The following PRKCA variants were observed in gnomAD, a reference collection of about 807,000 sequenced individuals.
PRKCA encodes the protein protein kinase C alpha type.
PRKCA carries 27 observed loss-of-function variants against 87.0 expected under a neutral mutation model. The observed-to-expected ratio is 0.31, with a 90% confidence interval of 0.23 to 0.43. The LOEUF (loss-of-function observed/expected upper bound fraction) is 0.43. Among genes scored for constraint, PRKCA ranks in the 20% least tolerant of loss-of-function variants. PRKCA has a pLI of 1.00. For synonymous variants in PRKCA, 329 were observed against 311.1 expected (o/e 1.06, Z -0.61); for missense variants, 518 against 852.3 (o/e 0.61, Z 4.88).
At chr17:66,448,635 T>C (rs771525721) in intron 2 of PRKCA, among the ~76,000 whole-genome samples, 5 of 152,204 alleles carry the variant, frequency 3.3e-5, no homozygotes, top group Non-Finnish European at 7.3e-5. Flanking sequence ...ATTCACGTTA[T>C]AAGGAAAGTC....
At chr17:66,642,021 G>A (rs1030902060) in intron 4 of PRKCA, among the ~76,000 whole-genome samples, 6 of 152,072 alleles carry the variant, frequency 3.9e-5, no homozygotes, top group African/African-American at 1.4e-4. Context: ...AAAACGCTGA[G>A]GACCACTGAC....
intron 8 of PRKCA, among the ~76,000 whole-genome samples, chr17:66,717,367 A>G (rs1274499457): frequency 6.6e-6 from 1 of 152,212 alleles, no homozygotes; most frequent in Non-Finnish European, 1.5e-5. Flanking sequence ...TACTATCTGG[A>G]CCTTTACAGA....
chr17:66,619,346 T>C (rs1423425519), intron 3 of PRKCA, among the ~76,000 whole-genome samples: 1 of 152,150 alleles, frequency 6.6e-6, no homozygotes, highest in Non-Finnish European at 1.5e-5. Flanking sequence ...CAAGTGACTG[T>C]AGGTTTGGGG....
At chr17:66,476,868 G>A (rs1915556140) in intron 2 of PRKCA, among the ~76,000 whole-genome samples, 1 of 152,200 alleles carries the variant, frequency 6.6e-6, no homozygotes, top group Non-Finnish European at 1.5e-5. Context: ...AGAAAGAGAA[G>A]AGGAATTACT....
chr17:66,521,638 G>A (rs996062180), intron 3 of PRKCA, among the ~76,000 whole-genome samples: 1 of 152,140 alleles, frequency 6.6e-6, no homozygotes, highest in African/African-American at 2.4e-5. Context: ...TCATCTGGCT[G>A]GAGCTGGATT....
At chr17:66,662,407 G>A (rs1971931600) in intron 5 of PRKCA, among the ~76,000 whole-genome samples, 1 of 152,114 alleles carries the variant, frequency 6.6e-6, no homozygotes, top group Admixed American at 6.5e-5. Flanking sequence ...GATGGCTTTA[G>A]CGCCATGGCT....
chr17:66,495,101 CAAAA>C (rs34731379), intron 2 of PRKCA, among the ~76,000 whole-genome samples: 2 of 132,234 alleles, frequency 1.5e-5, no homozygotes, highest in South Asian at 2.5e-4. Flanking sequence ...GACCCGGTCT[CAAAA>C]AAAAAAAAAA....
chr17:66,645,011 T>C (rs1303647967), intron 4 of PRKCA, among the ~76,000 whole-genome samples: 1 of 152,078 alleles, frequency 6.6e-6, no homozygotes, highest in Non-Finnish European at 1.5e-5. Context: ...AAAAATCCTC[T>C]GTTTAACATT....
At chr17:66,501,795 C>T (rs1916744655) in intron 3 of PRKCA, among the ~76,000 whole-genome samples, 1 of 152,198 alleles carries the variant, frequency 6.6e-6, no homozygotes, top group Non-Finnish European at 1.5e-5. Flanking sequence ...CAGACTCGGA[C>T]ATGGGCAGGT....
chr17:66,749,747 A>G (rs763176761), intron 13 of PRKCA, among the ~76,000 whole-genome samples: 4 of 152,142 alleles, frequency 2.6e-5, no homozygotes, highest in Non-Finnish European at 5.9e-5. Flanking sequence ...CAGGGGAGAC[A>G]CCGCAGGAGG....
chr17:66,564,712 T>G (rs1968833512), intron 3 of PRKCA, among the ~76,000 whole-genome samples: 1 of 152,184 alleles, frequency 6.6e-6, no homozygotes, highest in South Asian at 2.1e-4. Flanking sequence ...CCGGGTGCAG[T>G]GGCTCATGCC....
chr17:66,368,047 G>A (rs1455931129), intron 2 of PRKCA, among the ~76,000 whole-genome samples: 1 of 152,078 alleles, frequency 6.6e-6, no homozygotes, highest in Non-Finnish European at 1.5e-5. Context: ...TTGGCAGATT[G>A]GTCAATACTG....
chr17:66,451,724 G>A (rs571674114), intron 2 of PRKCA, among the ~76,000 whole-genome samples: 3 of 152,092 alleles, frequency 2.0e-5, no homozygotes, highest in South Asian at 2.1e-4. Flanking sequence ...AGGAGGGGCC[G>A]GGGCAAGGAA....
chr17:66,717,281 G>C (rs1973501736), intron 8 of PRKCA, among the ~76,000 whole-genome samples: 1 of 152,158 alleles, frequency 6.6e-6, no homozygotes, highest in African/African-American at 2.4e-5. Context: ...ACTCACTTTT[G>C]CAGCTTTCGA....
chr17:66,659,480 C>G (rs943576521), intron 5 of PRKCA, among the ~76,000 whole-genome samples: 1 of 152,042 alleles, frequency 6.6e-6, no homozygotes, highest in Admixed American at 6.6e-5. Context: ...CTTTGAGAGG[C>G]GGAAGCAGAA....
intron 5 of PRKCA, among the ~76,000 whole-genome samples, chr17:66,668,040 T>A (rs1450455126): frequency 6.6e-6 from 1 of 152,172 alleles, no homozygotes; most frequent in African/African-American, 2.4e-5. Context: ...GAAACAATTA[T>A]CAGTGGTCTG....
At chr17:66,747,917 C>T (rs896754506) in intron 13 of PRKCA, among the ~76,000 whole-genome samples, 2 of 152,150 alleles carry the variant, frequency 1.3e-5, no homozygotes, top group Admixed American at 6.5e-5. Context: ...TGTTCCAGGC[C>T]GGGGGGTGCC....
chr17:66,554,761 C>T (rs1968444725), intron 3 of PRKCA, among the ~76,000 whole-genome samples: 1 of 152,152 alleles, frequency 6.6e-6, no homozygotes. Context: ...CTCTCCTTGC[C>T]CCAGGAATGG....
chr17:66,741,662 C>G lies in PRKCA; in HGVS notation c.1326C>G (p.Phe442Leu), dbSNP rs1974161785. 6.2e-7 allele frequency: 1 copy of G among 1,614,030 alleles called. No homozygotes were observed. Among genetic ancestry groups the G allele is most frequent in the Non-Finnish European group, 8.5e-7 (1 of 1,180,022 alleles). Reference protein sequence around the residue: ...VGKFKEPQAVFYAAEISIGLF... With the variant: ...VGKFKEPQAVLYAAEISIGLF... ...TGAAGCCCGTTTTCTTTTGCAGATT[C>G]TATGCGGCAGAGATTTCCATCGGAT... Residue 442 changes from phenylalanine to leucine, a missense_variant, in exon 12 of 17, where the codon TTC (phenylalanine) becomes TTG (leucine). Coordinates refer to ENST00000413366, the MANE Select transcript of PRKCA (RefSeq NM_002737.3).
Sources: gnomAD v4.1 joint callset for allele counts (sites outside exome capture counted in the v4.1 genomes callset) on GRCh38, gnomAD v4.1.1 for gene constraint, MANE v1.5 for transcripts, NCBI Gene and HGNC (gene_info 2026-07-23, HGNC 2026-07-21) for gene names.